The following DOCK2 variants were observed in gnomAD, a reference collection of about 807,000 sequenced individuals.
DOCK2 encodes dedicator of cytokinesis protein 2.
In DOCK2, 87 loss-of-function variants were observed where a neutral mutation model predicts 248.9. The observed-to-expected ratio is 0.35, with a 90% CI of 0.29 to 0.42. The LOEUF is 0.42. DOCK2 is among the 10% of genes least tolerant of loss of function. DOCK2 has a pLI of 1.00. For missense variants in DOCK2, 1,747 were observed against 2,300.2 expected (o/e 0.76, Z 4.92); for synonymous variants, 805 against 821.6 (o/e 0.98, Z 0.35).
In DOCK2 at chr5:169,642,975, G is replaced by T. The variant is rs182916486; in HGVS notation, c.43+5606G>T. Among the ~76,000 whole-genome samples the T allele has an allele frequency of 2.3e-4, 35 of 152,174 alleles. 1 individual carries two copies. In the East Asian group the frequency reaches 4.4e-3, roughly 19 times the overall value. ...TTTTTTCAATAGTCAATTACACATG[G>T]GTGCCACAGTCTGTGCTCTGCAGCA... On this transcript the variant is annotated intron_variant, in intron 1 of 51. Coordinates refer to ENST00000520908, the MANE Select transcript of DOCK2 (RefSeq NM_004946.3).
chr5:169,795,927 G>A (rs1160254140), intron 25 of DOCK2, among the ~76,000 whole-genome samples: 1 of 152,182 alleles, frequency 6.6e-6, no homozygotes, highest in Non-Finnish European at 1.5e-5. Context: ...TTGAGCTGAG[G>A]AGAATTCGAC....
chr5:169,679,637 A>G (rs916127636), intron 6 of DOCK2, among the ~76,000 whole-genome samples: 3 of 152,252 alleles, frequency 2.0e-5, no homozygotes, highest in African/African-American at 7.2e-5. Context: ...GCGATGCTCC[A>G]TCTTTTCCAA....
At position 169,851,251 on chromosome 5, in the gene DOCK2, T is replaced by G. The variant is rs533752692; in HGVS notation, c.2799+10399T>G. Among the ~76,000 whole-genome samples, 3 of 152,344 alleles carry G rather than the reference T, an allele frequency of 2.0e-5. No homozygotes were observed. In the East Asian group the frequency reaches 5.8e-4, roughly 29 times the overall value. ...TAAAGTTTTGTTTCATGCCAATCTT[T>G]CCTGTAAAGATTTTTTAAAATATAA... On this transcript the variant is annotated intron_variant, in intron 27 of 51. Transcript: ENST00000520908.
rs1233145705 is a variant in DOCK2, at chr5:170,055,351, G to T, written c.4260G>T (p.Arg1420Ser). 5 of 1,614,096 alleles carry T rather than the reference G, an allele frequency of 3.1e-6. No individual in the cohort carries two copies. Among genetic ancestry groups the T allele is most frequent in the Non-Finnish European group, 4.2e-6 (5 of 1,179,932 alleles). The change falls in exon 42 of 52, where the codon AGG (arginine) becomes AGT (serine). Residue 1420 changes from arginine (R) to serine (S), a missense_variant. Arg to Ser is a moderately radical substitution (Grantham distance 110, BLOSUM62 -1). Around this residue, in one of 4 missense-constraint regions of DOCK2, gnomAD observed 513 missense variants for 586.1 expected, o/e 0.88. Coordinates refer to ENST00000520908, the MANE Select transcript of DOCK2 (RefSeq NM_004946.3). ...AGCCTGTCTTGGATGAACATCCCAG[G>T]TTCAAGAATAAGCCAGTGCCTGACC... ...TVQPVLDEHP[R>S]FKNKPVPDQI...
intron 27 of DOCK2, chr5:169,841,595 C>T: frequency 3.1e-6 from 1 of 319,952 alleles, no homozygotes; most frequent in Non-Finnish European, 4.5e-6. Context: ...ATGCCTTTGC[C>T]CCATGCTTAT....
intron 15 of DOCK2, among the ~76,000 whole-genome samples, chr5:169,711,474 G>C (rs557545148): frequency 5.9e-5 from 9 of 152,290 alleles, no homozygotes; most frequent in Admixed American, 1.3e-4. Context: ...AATATTATTG[G>C]ATTAAAGCAT....
intron 27 of DOCK2, among the ~76,000 whole-genome samples, chr5:169,968,695 A>T (rs183018982): frequency 1.4e-3 from 208 of 152,086 alleles, no homozygotes; most frequent in African/African-American, 4.6e-3. Context: ...CACAATTTTG[A>T]CTCCCGCTAG....
At chr5:169,652,606 G>T (rs1561907775) in intron 1 of DOCK2, among the ~76,000 whole-genome samples, 1 of 152,232 alleles carries the variant, frequency 6.6e-6, no homozygotes, top group Non-Finnish European at 1.5e-5. Flanking sequence ...GTGAGGCAGA[G>T]AGGTGAAGTC....
At chr5:170,003,057 T>A (rs947799798) in intron 30 of DOCK2, among the ~76,000 whole-genome samples, 1 of 152,164 alleles carries the variant, frequency 6.6e-6, no homozygotes, top group African/African-American at 2.4e-5. Flanking sequence ...TACAAATAAA[T>A]GGGAGACAAA....
At chr5:170,070,615 C>G (rs1040928457) in intron 46 of DOCK2, among the ~76,000 whole-genome samples, 15 of 152,198 alleles carry the variant, frequency 9.9e-5, no homozygotes, top group Non-Finnish European at 1.9e-4. Flanking sequence ...GTTTGGGAAG[C>G]AGGAAGGCCA....
rs1764593201 is a variant in DOCK2, at chr5:169,763,386, A to T, written c.2554+1761A>T. 6.6e-6 allele frequency among the ~76,000 whole-genome samples: 1 copy of T among 152,226 alleles called. No individual in the cohort carries two copies. ...AGACATGACAAGGACGACTCTAGCT[A>T]CGCATATGGTGTGGCACAGGCAGCA... is the stretch of plus-strand genomic sequence containing the variant. On this transcript the variant is annotated intron_variant, in intron 25 of 51. Coordinates refer to ENST00000520908, the MANE Select transcript of DOCK2 (RefSeq NM_004946.3). This position sits in a 1 kb window ranked among gnomAD's most constrained non-coding sequence, Gnocchi z 4.1.
intron 26 of DOCK2, among the ~76,000 whole-genome samples, chr5:169,804,370 A>T (rs1767178904): frequency 6.6e-6 from 1 of 152,118 alleles, no homozygotes; most frequent in African/African-American, 2.4e-5. Context: ...CACTGGGAAC[A>T]AGAAAACCTA....
At chr5:169,757,451 T>G (rs2113725779) in intron 23 of DOCK2, among the ~76,000 whole-genome samples, 1 of 152,300 alleles carries the variant, frequency 6.6e-6, no homozygotes, top group Non-Finnish European at 1.5e-5. Context: ...ACAGAATACC[T>G]AGCACCATCC....
chr5:170,065,610 C>G (rs1757462991), intron 44 of DOCK2, among the ~76,000 whole-genome samples: 3 of 152,276 alleles, frequency 2.0e-5, no homozygotes, highest in African/African-American at 7.2e-5. Context: ...GCCTCACAAC[C>G]ATGGAGGAAG....
At chr5:169,853,411 T>G (rs1581288886) in intron 27 of DOCK2, among the ~76,000 whole-genome samples, 1 of 152,364 alleles carries the variant, frequency 6.6e-6, no homozygotes, top group African/African-American at 2.4e-5. Flanking sequence ...AAGGAATCAA[T>G]TCTGTCAAAT....
chr5:169,821,302 C>T (rs1396534940), intron 26 of DOCK2, among the ~76,000 whole-genome samples: 2 of 151,638 alleles, frequency 1.3e-5, no homozygotes, highest in African/African-American at 4.9e-5. Flanking sequence ...AGAGCAACTC[C>T]AAGACACATA....
intron 26 of DOCK2, 77 bp from the exon 27 acceptor site, chr5:169,840,680 T>G (rs1300669789): frequency 3.7e-6 from 5 of 1,352,518 alleles, no homozygotes; most frequent in South Asian, 1.2e-5. Flanking sequence ...GTCTGACCAC[T>G]GTTGTCTGTG....
At chr5:169,914,140 A>G (rs908863549) in intron 27 of DOCK2, among the ~76,000 whole-genome samples, 3 of 152,176 alleles carry the variant, frequency 2.0e-5, no homozygotes, top group Non-Finnish European at 2.9e-5. Context: ...CATCCTGAAG[A>G]CAACCCTTCA....
intron 9 of DOCK2, among the ~76,000 whole-genome samples, chr5:169,694,138 C>T (rs1760466833): frequency 6.6e-6 from 1 of 152,224 alleles, no homozygotes; most frequent in Non-Finnish European, 1.5e-5. Context: ...CAGCCCCACT[C>T]CCTTCCTCCT....
Sources: gnomAD v4.1 joint callset for allele counts (sites outside exome capture counted in the v4.1 genomes callset) on GRCh38, gnomAD v4.1.1 for gene constraint, gnomAD v4.1.1 regional missense constraint, Gnocchi (gnomAD v3.1) non-coding constraint, MANE v1.5 for transcripts, NCBI Gene and HGNC (gene_info 2026-07-23, HGNC 2026-07-21) for gene names.